The following ARPC2 variants were observed in gnomAD, a reference collection of about 807,000 sequenced individuals.
The protein encoded by ARPC2 is actin-related protein 2/3 complex subunit 2.
ARPC2 carries 4 observed loss-of-function variants against 38.6 expected under a neutral mutation model. That is an observed-to-expected ratio of 0.10 (90% CI 0.05 to 0.24). The LOEUF (loss-of-function observed/expected upper bound fraction) is 0.24. Among genes scored for constraint, ARPC2 ranks in the 10% least tolerant of loss-of-function variants. The probability of loss-of-function intolerance (pLI) is 1.00; values close to 1 mark genes in which losing one functional copy is unlikely to be tolerated. For synonymous variants in ARPC2, 125 were observed against 140.8 expected (o/e 0.89, Z 0.79); for missense variants, 229 against 387.3 (o/e 0.59, Z 3.43).
intron 2 of ARPC2, among the ~76,000 whole-genome samples, chr2:218,221,790 A>T (rs1689388870): frequency 6.6e-6 from 1 of 152,224 alleles, no homozygotes; most frequent in Admixed American, 6.5e-5. Context: ...GGCTTAGTGG[A>T]GAATAGGACC....
intron 2 of ARPC2, among the ~76,000 whole-genome samples, chr2:218,219,763 A>G (rs1187604234): frequency 6.6e-6 from 1 of 152,080 alleles, no homozygotes; most frequent in Non-Finnish European, 1.5e-5. Flanking sequence ...ATTCTGGCCC[A>G]TCTCCCCCTT....
intron 5 of ARPC2, 74 bp from the exon 6 acceptor site, chr2:218,238,590 C>CT (rs34654904): frequency 0.15 from 63,872 of 415,034 alleles, 6,404 homozygotes; most frequent in African/African-American, 0.24. Context: ...TAGTATGCTG[C>CT]TTTTTTTTTT....
intron 3 of ARPC2, chr2:218,227,022 A>G (rs1375849053): frequency 2.2e-6 from 1 of 456,602 alleles, no homozygotes; most frequent in Non-Finnish European, 4.4e-6. Context: ...GAATACAACC[A>G]CCCTTTCTAC....
Position 218,238,848 on chromosome 2 carries a change from C to T in ARPC2, c.453C>T (p.Thr151=). ...TTATCCATTATAGGGATGATGAGAC[C>T]ATGTGAGTATAGAATTTGGTCCTGA... ...RAVIHYRDDE[T]MYVESKKDRV... is the part of the protein sequence containing the mutation. The change falls in exon 6 of 11, where the codon ACC becomes ACT. Residue 151 remains threonine (T), a splice_region_variant and synonymous_variant. Coordinates refer to ENST00000315717, the MANE Select transcript of ARPC2 (RefSeq NM_152862.3). The T allele has an allele frequency of 6.2e-7, 1 of 1,608,054 alleles. No individual in the cohort carries two copies. Among genetic ancestry groups the T allele is most frequent in the African/African-American group, 1.3e-5 (1 of 74,784 alleles).
chr2:218,246,490 A>G (rs1260750139), intron 8 of ARPC2, among the ~76,000 whole-genome samples: 1 of 152,148 alleles, frequency 6.6e-6, no homozygotes, highest in Non-Finnish European at 1.5e-5. Context: ...AGATCACACC[A>G]TTGCACTCCA....
At chr2:218,252,323 G>A (rs1207618838) in intron 10 of ARPC2, among the ~76,000 whole-genome samples, 1 of 152,174 alleles carries the variant, frequency 6.6e-6, no homozygotes, top group East Asian at 1.9e-4. Flanking sequence ...GCAATGAAAT[G>A]GCAGCATCGT....
intron 9 of ARPC2, 34 bp from the exon 10 acceptor site, chr2:218,249,787 A>G (rs1416038977): frequency 9.5e-6 from 15 of 1,576,174 alleles, no homozygotes; most frequent in Non-Finnish European, 1.3e-5. Context: ...CTAGACCATG[A>G]CTGTGCTTTA....
At chr2:218,217,881 C>A (rs570313264) in intron 2 of ARPC2, among the ~76,000 whole-genome samples, 1 of 152,356 alleles carries the variant, frequency 6.6e-6, no homozygotes, top group Admixed American at 6.5e-5. Flanking sequence ...GGGACCCCTT[C>A]CCTGCGTGAA....
chr2:218,249,751 T>A (rs1044638407), intron 9 of ARPC2, 70 bp from the exon 10 acceptor site: 1 of 1,454,538 alleles, frequency 6.9e-7, no homozygotes, highest in African/African-American at 1.4e-5. Flanking sequence ...ATGACCTCTC[T>A]GATGAAAGAC....
intron 6 of ARPC2, 192 bp from the exon 7 acceptor site, chr2:218,239,199 C>T (rs1689850424): frequency 3.4e-6 from 2 of 588,700 alleles, no homozygotes; most frequent in Non-Finnish European, 6.0e-6. Context: ...TAATTTCCAT[C>T]TGCTGCCTCT....
chr2:218,227,683 C>G (rs577849332), intron 3 of ARPC2, among the ~76,000 whole-genome samples: 1 of 152,084 alleles, frequency 6.6e-6, no homozygotes, highest in Admixed American at 6.6e-5. Flanking sequence ...CTCCACCCCC[C>G]GGGTTCAAGC....
At position 218,249,846 on chromosome 2, in the gene ARPC2, C is replaced by A; in HGVS notation, c.803C>A (p.Ala268Glu). The stretch of plus-strand genomic sequence containing the variant: ...GCCTATATTCACACACGTATGCGGG[C>A]GAAAACGTCTGACTTCCTCAAGGTG... ...SKAYIHTRMR[A>E]KTSDFLKVLN... Residue 268 changes from alanine (A) to glutamate (E), a missense_variant, in exon 10 of 11, where the codon GCG becomes GAG. By Grantham distance (107) the Ala-to-Glu change is moderately radical. Transcript: ENST00000315717. 6.2e-7 allele frequency: 1 copy of A among 1,613,780 alleles called. No homozygotes were observed. The highest frequency in any genetic ancestry group is 8.5e-7 in the Non-Finnish European group (1 of 1,179,902).
intron 5 of ARPC2, chr2:218,236,870 T>C (rs1243138382): frequency 6.6e-6 from 1 of 152,080 alleles, no homozygotes; most frequent in Non-Finnish European, 1.5e-5. Context: ...TACTTAGAAG[T>C]GTGAAAGCCA....
At chr2:218,226,301 G>A (rs1297779593) in intron 3 of ARPC2, among the ~76,000 whole-genome samples, 2 of 139,700 alleles carry the variant, frequency 1.4e-5, no homozygotes, top group South Asian at 2.3e-4. Context: ...AAAAAAAAAA[G>A]AGAGAGACAA....
intron 7 of ARPC2, 84 bp from the exon 8 acceptor site, chr2:218,245,336 C>G: frequency 6.4e-7 from 1 of 1,569,042 alleles, no homozygotes; most frequent in African/African-American, 1.4e-5. Context: ...AAAGGTCACA[C>G]CACATAGAAC....
intron 5 of ARPC2, among the ~76,000 whole-genome samples, chr2:218,237,755 CAG>C (rs1689808751): frequency 6.6e-6 from 1 of 151,700 alleles, no homozygotes; most frequent in Non-Finnish European, 1.5e-5. Context: ...TTAGTAGAGA[CAG>C]GGTTTTGCCA....
chr2:218,252,643 T>C (rs75628671), intron 10 of ARPC2, among the ~76,000 whole-genome samples: 4,737 of 152,258 alleles, frequency 0.031, 79 homozygotes, highest in African/African-American at 0.034. Context: ...TGGCAGCCTG[T>C]GATAACCGGA....
At chr2:218,247,483 C>A (rs1379889326) in intron 8 of ARPC2, among the ~76,000 whole-genome samples, 1 of 152,004 alleles carries the variant, frequency 6.6e-6, no homozygotes, top group African/African-American at 2.4e-5. Flanking sequence ...ACACTTTTTT[C>A]TTTTTTCTTT....
intron 4 of ARPC2, 49 bp downstream of exon 4, chr2:218,228,899 T>A: frequency 7.9e-7 from 1 of 1,261,062 alleles, no homozygotes; most frequent in Non-Finnish European, 1.2e-6. Context: ...TCACCTTTCA[T>A]TGGCAGTTTG....
Sources: gnomAD v4.1 joint callset for allele counts (sites outside exome capture counted in the v4.1 genomes callset) on GRCh38, gnomAD v4.1.1 for gene constraint, MANE v1.5 for transcripts, NCBI Gene and HGNC (gene_info 2026-07-23, HGNC 2026-07-21) for gene names.